MCM5: variants seen among roughly 807,000 people sequenced by gnomAD.
The protein encoded by MCM5 is DNA replication licensing factor MCM5.
MCM5 carries 46 observed loss-of-function variants against 79.9 expected under a neutral mutation model. The ratio of observed to expected loss-of-function variants is 0.58; its 90% CI spans 0.45 to 0.74. The LOEUF (loss-of-function observed/expected upper bound fraction) is 0.74, where lower values mean the gene tolerates loss of function less well. Among genes scored for constraint, MCM5 ranks in the 30% least tolerant of loss-of-function variants. The pLI, the probability that MCM5 is intolerant of heterozygous loss-of-function variation, is 0.00. For missense variants in MCM5, 883 were observed against 1,017.0 expected, an observed-to-expected ratio of 0.87 and a Z score of 1.79; for synonymous variants, 404 against 390.5, an observed-to-expected ratio of 1.03 and a Z score of -0.41.
rs1383299791 is a variant in MCM5, at chr22:35,423,335, C to G, written c.2097C>G (p.Thr699=). The G allele has an allele frequency of 6.2e-7, 1 of 1,600,402 alleles. No individual in the cohort carries two copies. Among genetic ancestry groups the G allele is most frequent in the Non-Finnish European group, 8.5e-7 (1 of 1,170,898 alleles). Residue 699 remains threonine (T), a synonymous_variant, in exon 16 of 17, where the codon ACC becomes ACG. Coordinates refer to ENST00000216122, the MANE Select transcript of MCM5 (RefSeq NM_006739.4). ...AGCACAGCATCATCAAGGACTTCACCAAGCAGGTGAGCCTGCCTTGGAGTG... is the reference window on the plus strand; with the variant it reads ...AGCACAGCATCATCAAGGACTTCACGAAGCAGGTGAGCCTGCCTTGGAGTG... ...VSEHSIIKDF[T]KQKYPEHAIH... is the part of the protein sequence containing the mutation.
chr22:35,413,983 T>G lies in MCM5; in HGVS notation c.1200T>G (p.Ile400Met), dbSNP rs376281725. ...LLKFVEKCSP[I>M]GVYTSGKGSS... ...AGTTTGTGGAGAAGTGTTCTCCCAT[T>G]GGGGTGAGTGGCCTGGGATACCTTT... Residue 400 changes from isoleucine to methionine, a missense_variant, in exon 9 of 17, where the codon ATT (isoleucine) becomes ATG (methionine). By Grantham distance (10) the Ile-to-Met change is conservative. Around this residue, in one of 3 missense-constraint regions of MCM5, gnomAD observed 426 missense variants for 482.3 expected, o/e 0.88. Coordinates refer to ENST00000216122, the MANE Select transcript of MCM5 (RefSeq NM_006739.4). 1.9e-6 allele frequency: 3 copies of G among 1,608,874 alleles called. No homozygotes were observed. The African/African-American group carries it at 4.0e-5, about 21-fold the overall frequency.
chr22:35,401,624 A>G (rs1298392561), intron 2 of MCM5: 2 of 471,176 alleles, frequency 4.2e-6, no homozygotes, highest in Admixed American at 4.7e-5. Context: ...TCACCAGGCC[A>G]GAAATGGGTA....
chr22:35,428,046 A>T (rs1601767202), downstream of MCM5, among the ~76,000 whole-genome samples: 1 of 147,104 alleles, frequency 6.8e-6, no homozygotes, highest in African/African-American at 2.6e-5. Context: ...TTTGAGACCA[A>T]GTCTCACTCT....
intron 12 of MCM5, among the ~76,000 whole-genome samples, 182 bp downstream of exon 12, chr22:35,416,996 G>A (rs1932563468): frequency 6.6e-6 from 1 of 152,192 alleles, no homozygotes; most frequent in Non-Finnish European, 1.5e-5. Flanking sequence ...GCAGGGTCTG[G>A]AGTCCTGTGG....
chr22:35,409,810 C>T (rs559251366), intron 6 of MCM5: 2 of 152,384 alleles, frequency 1.3e-5, no homozygotes, highest in Non-Finnish European at 1.5e-5. Context: ...AGTTATGTGA[C>T]TTTGTCAAGC....
At chr22:35,430,559 G>T in the MCM5 span, among the ~76,000 whole-genome samples, 2 of 149,858 alleles carry the variant, frequency 1.3e-5, no homozygotes, top group Non-Finnish European at 3.0e-5. Flanking sequence ...AGAGTGTGCA[G>T]TGGTGCGACC....
intron 4 of MCM5, among the ~76,000 whole-genome samples, chr22:35,406,307 C>CCA (rs1555903422): frequency 6.9e-6 from 1 of 144,352 alleles, no homozygotes; most frequent in African/African-American, 2.6e-5. Context: ...CCTCCCCCCC[C>CCA]AATTGTGCTG....
At chr22:35,443,362 A>T in the MCM5 span, among the ~76,000 whole-genome samples, 1 of 152,000 alleles carries the variant, frequency 6.6e-6, no homozygotes. Flanking sequence ...AATTTTTTTT[A>T]ATTTTTAGTA....
chr22:35,421,658 A>C (rs1601763576), intron 15 of MCM5, 198 bp downstream of exon 15: 2 of 712,620 alleles, frequency 2.8e-6, no homozygotes, highest in East Asian at 5.6e-5. Context: ...AGATGGGAAG[A>C]AGCAGCTTCT....
rs2230932 is a variant in MCM5, at chr22:35,406,693, C to T, written c.564C>T (p.Leu188=). The T allele has an allele frequency of 0.011, 17,981 of 1,609,988 alleles. 156 individuals carry two copies. The highest frequency in any genetic ancestry group is 0.029 in the Middle Eastern group (174 of 6,012). Reference sequence around the variant, plus strand: ...CCAACATTGCCATGCGCCCTGGCCTCGAGGGCTATGCCCTGCCCAGGAAGT... The same window carrying T: ...CCAACATTGCCATGCGCCCTGGCCTTGAGGGCTATGCCCTGCCCAGGAAGT... The part of the protein sequence containing the change: ...TLTNIAMRPG[L]EGYALPRKCN... The change falls in exon 5 of 17, where the codon CTC becomes CTT. Residue 188 remains leucine, a synonymous_variant. Transcript: ENST00000216122.
In MCM5 at chr22:35,415,937, G is replaced by A. The variant is rs776236647; in HGVS notation, c.1312G>A (p.Asp438Asn). 1.5e-5 allele frequency: 25 copies of A among 1,614,032 alleles called. No homozygotes were observed. The highest frequency in any genetic ancestry group is 1.6e-4 in the Middle Eastern group (1 of 6,078). Residue 438 changes from aspartate to asparagine, a missense_variant, in exon 10 of 17, where the codon GAT becomes AAT. Coordinates refer to ENST00000216122, the MANE Select transcript of MCM5 (RefSeq NM_006739.4). Reference protein sequence around the residue: ...IMEGGAMVLADGGVVCIDEFD... With the variant: ...IMEGGAMVLANGGVVCIDEFD... ...GGAGGGCGGAGCCATGGTCCTGGCCGATGGTGGGGTCGTCTGTATTGACGA... is the reference window on the plus strand; with the variant it reads ...GGAGGGCGGAGCCATGGTCCTGGCCAATGGTGGGGTCGTCTGTATTGACGA...
intron 13 of MCM5, among the ~76,000 whole-genome samples, chr22:35,418,254 G>A (rs1932598625): frequency 6.6e-6 from 1 of 152,186 alleles, no homozygotes; most frequent in African/African-American, 2.4e-5. Context: ...ATTTTTGTAA[G>A]GATTGCACAA....
At chr22:35,404,246 T>C (rs1462481712) in intron 4 of MCM5, among the ~76,000 whole-genome samples, 1 of 152,260 alleles carries the variant, frequency 6.6e-6, no homozygotes, top group South Asian at 2.1e-4. Flanking sequence ...TAGATTCAGA[T>C]TGACCAAATT....
the MCM5 span, among the ~76,000 whole-genome samples, chr22:35,431,082 A>T: frequency 3.3e-5 from 5 of 151,938 alleles, no homozygotes. Flanking sequence ...GCTCCCAGGG[A>T]CTTCCCGGCC....
chr22:35,438,929 A>G, the MCM5 span, among the ~76,000 whole-genome samples: 1 of 150,058 alleles, frequency 6.7e-6, no homozygotes. Flanking sequence ...TCATCCATCC[A>G]TCCATCCATT....
In MCM5 at chr22:35,425,408, A is replaced by G. The variant is rs551805613; in HGVS notation, c.*1153A>G. The G allele has an allele frequency of 2.0e-5, 3 of 152,344 alleles. No homozygotes were observed. Among genetic ancestry groups the G allele is most frequent in the East Asian group, 3.9e-4 (2 of 5,184 alleles). 9.4% of individuals were successfully genotyped at this position (152,344 alleles called of 1,614,324 possible). A position where few individuals can be genotyped will look rare whatever the true frequency, so the allele number is the denominator to read the frequency against. ...TGAAGTAAGATTATTTGATTTTTCT[A>G]AAAATACAAGAAAGCTTGGTGCATC... On this transcript the variant is annotated 3_prime_UTR_variant, in exon 17 of 17. Coordinates refer to ENST00000216122, the MANE Select transcript of MCM5 (RefSeq NM_006739.4).
intron 11 of MCM5, 103 bp from the exon 12 acceptor site, chr22:35,416,535 G>T (rs1271019495): frequency 1.5e-6 from 1 of 657,980 alleles, no homozygotes; most frequent in Non-Finnish European, 2.6e-6. Context: ...GTGTGTGTGT[G>T]TGTGTGTGTG....
rs943835355 is a variant in MCM5, at chr22:35,400,183, G to C, written c.-34G>C. ...GAGCGTGGAGGTTCTTGTCTCCCCTGGTTTGTGAAGTGCGGAAAACCAGAG... is the reference window on the plus strand; with the variant it reads ...GAGCGTGGAGGTTCTTGTCTCCCCTCGTTTGTGAAGTGCGGAAAACCAGAG... On this transcript the variant is annotated 5_prime_UTR_variant, in exon 1 of 17. Transcript: ENST00000216122. The C allele has an allele frequency of 3.9e-6, 2 of 512,034 alleles. No individual in the cohort carries two copies. Among genetic ancestry groups the C allele is most frequent in the East Asian group, 3.6e-5 (1 of 28,044 alleles). 31.7% of individuals were successfully genotyped at this position (512,034 alleles called of 1,614,324 possible).
At chr22:35,450,803 A>G in the MCM5 span, among the ~76,000 whole-genome samples, 1 of 146,700 alleles carries the variant, frequency 6.8e-6, no homozygotes, top group Non-Finnish European at 1.5e-5. Context: ...TTGGGAATCC[A>G]GAGAAAAACC....
Sources: allele counts gnomAD v4.1 joint callset (sites outside exome capture counted in the v4.1 genomes callset), GRCh38; gene constraint gnomAD v4.1.1; regional missense constraint gnomAD v4.1.1; transcripts MANE v1.5; gene names NCBI Gene and HGNC (gene_info 2026-07-23, HGNC 2026-07-21).